The following PHF12 variants were observed in gnomAD, a reference collection of about 807,000 sequenced individuals.
PHF12 encodes PHD factor 1.
In PHF12, 6 loss-of-function variants were observed where a neutral mutation model predicts 99.8. The observed-to-expected ratio is 0.06, with a 90% CI of 0.03 to 0.12. PHF12 has a LOEUF of 0.12. PHF12 is among the 10% of genes least tolerant of loss of function. The probability of loss-of-function intolerance (pLI) is 1.00; values close to 1 mark genes in which losing one functional copy is unlikely to be tolerated. For synonymous variants in PHF12, 480 were observed against 514.9 expected, an observed-to-expected ratio of 0.93 and a Z score of 0.92; for missense variants, 954 against 1,300.1, an observed-to-expected ratio of 0.73 and a Z score of 4.09.
rs934210157 is a variant in PHF12 at position 28,951,447 on chromosome 17, C to T, written c.-487G>A. The T allele has an allele frequency of 3.1e-5, 31 of 986,330 alleles. No individual in the cohort carries two copies. The highest frequency in any genetic ancestry group is 3.5e-5 in the Non-Finnish European group (29 of 830,592). 61.1% of individuals were successfully genotyped at this position (986,330 alleles called of 1,614,324 possible). ...GCCGCCGTCTGCGTCCCGGCTGCCG[C>T]GCACTTGGCGCAAACTTACCGCGAG... On this transcript the variant is annotated 5_prime_UTR_variant, in exon 1 of 15. Transcript: ENST00000332830.
intron 2 of PHF12, among the ~76,000 whole-genome samples, chr17:28,942,058 T>C (rs2040627310): frequency 1.3e-5 from 2 of 152,334 alleles, no homozygotes; most frequent in African/African-American, 2.4e-5. Flanking sequence ...AATACAGCTT[T>C]AGACTTCTTT....
chr17:28,928,997 G>A (rs1430621836), intron 2 of PHF12, among the ~76,000 whole-genome samples: 2 of 151,806 alleles, frequency 1.3e-5, no homozygotes, highest in East Asian at 2.0e-4. Flanking sequence ...TCAGGAGGCC[G>A]AGGCAGGAGA....
chr17:28,950,490 G>A lies in PHF12; in HGVS notation c.67-244C>T, dbSNP rs2040790798. 1 of 573,422 alleles carries A rather than the reference G, an allele frequency of 1.7e-6. No individual in the cohort carries two copies. The highest frequency in any genetic ancestry group is 3.1e-6 in the Non-Finnish European group (1 of 324,224). The allele number at this position is 573,422 out of a possible 1,614,324, so 35.5% of individuals were successfully genotyped here. On this transcript the variant is annotated intron_variant, in intron 1 of 14. Transcript: ENST00000332830. The surrounding 1 kb of genome is among the most constrained non-coding windows in gnomAD (Gnocchi z 5.7). ...GGGAGGATCAAGGGTAGGGGGATGG[G>A]AAGAGGGTGCGCGGTTCCCTTCTTG...
chr17:28,922,037 T>C (rs1427306919), intron 4 of PHF12, among the ~76,000 whole-genome samples: 3 of 152,202 alleles, frequency 2.0e-5, no homozygotes, highest in East Asian at 1.9e-4. Context: ...ACCTGTTCTA[T>C]GGCAGAAACA....
rs1356413538 is a variant in PHF12, at chr17:28,949,015, G to A, written c.248+1050C>T. On this transcript the variant is annotated intron_variant, in intron 2 of 14. Transcript: ENST00000332830. The surrounding 1 kb of genome is among the most constrained non-coding windows in gnomAD (Gnocchi z 4.6). ...CTTCTTTGCCGGATTGTCCTGGGCT[G>A]AGCCGCTGAGGAGGATCACGCAGCG... 6.6e-6 allele frequency among the ~76,000 whole-genome samples: 1 copy of A among 152,266 alleles called. No homozygotes were observed. The highest frequency in any genetic ancestry group is 1.5e-5 in the Non-Finnish European group (1 of 68,012).
At chr17:28,909,105 G>A in intron 11 of PHF12, 1 of 539,898 alleles carries the variant, frequency 1.9e-6, no homozygotes, top group Admixed American at 3.1e-5. Context: ...TTTGAAGATG[G>A]TCAGAGAAGT....
intron 11 of PHF12, 138 bp from the exon 12 acceptor site, chr17:28,909,019 C>A: frequency 1.3e-6 from 1 of 752,330 alleles, no homozygotes; most frequent in Non-Finnish European, 2.2e-6. Flanking sequence ...AACTCACATC[C>A]AACACTGAGC....
chr17:28,946,133 G>GA (rs1440924001), intron 2 of PHF12, among the ~76,000 whole-genome samples: 2 of 152,090 alleles, frequency 1.3e-5, no homozygotes, highest in Non-Finnish European at 2.9e-5. Context: ...CTCCGTCTCA[G>GA]AAAAACAAAA....
At chr17:28,937,345 C>T (rs1358488195) in intron 2 of PHF12, among the ~76,000 whole-genome samples, 1 of 152,124 alleles carries the variant, frequency 6.6e-6, no homozygotes, top group Non-Finnish European at 1.5e-5. Flanking sequence ...GGAGAAAATT[C>T]ATAGGGTCCC....
chr17:28,938,820 C>T (rs1015616603), intron 2 of PHF12, among the ~76,000 whole-genome samples: 6 of 152,170 alleles, frequency 3.9e-5, no homozygotes, highest in Admixed American at 2.6e-4. Flanking sequence ...CTGACTTGGG[C>T]TTCCAAAGCC....
At chr17:28,908,714 G>A in intron 12 of PHF12, 69 bp downstream of exon 12, 2 of 1,491,704 alleles carry the variant, frequency 1.3e-6, no homozygotes, top group South Asian at 2.3e-5. Flanking sequence ...TCTAACTTCT[G>A]TGGGTAAGGG....
At position 28,911,146 on chromosome 17, in the gene PHF12, G is replaced by A. The variant is rs2039952984; in HGVS notation, c.2181C>T (p.Thr727=). 1 of 1,614,030 alleles carries A rather than the reference G, an allele frequency of 6.2e-7. No individual in the cohort carries two copies. Among genetic ancestry groups the A allele is most frequent in the Admixed American group, 1.7e-5 (1 of 59,990 alleles). ...PANSTAMVDL[T]NSLRAFMDVN... Reference sequence around the variant, plus strand: ...CATCCATAAATGCTCGAAGTGAGTTGGTGAGGTCCACCATGGCAGTAGAGT... The same window carrying A: ...CATCCATAAATGCTCGAAGTGAGTTAGTGAGGTCCACCATGGCAGTAGAGT... The change falls in exon 10 of 15, where the codon ACC becomes ACT. Residue 727 remains threonine (T), a synonymous_variant. Coordinates refer to ENST00000332830, the MANE Select transcript of PHF12 (RefSeq NM_001033561.2).
intron 6 of PHF12, among the ~76,000 whole-genome samples, chr17:28,917,710 C>T (rs2040087718): frequency 6.6e-6 from 1 of 152,184 alleles, no homozygotes; most frequent in Non-Finnish European, 1.5e-5. Context: ...AGAAATTAGC[C>T]AAGACGTGCC....
intron 4 of PHF12, 112 bp from the exon 5 acceptor site, chr17:28,921,920 A>G: frequency 7.0e-7 from 1 of 1,419,632 alleles, no homozygotes; most frequent in Non-Finnish European, 9.5e-7. Context: ...GTCATGGCCT[A>G]AGCATGAATT....
At position 28,907,064 on chromosome 17, in the gene PHF12, CAT is replaced by C. The variant is rs2039883566; in HGVS notation, c.2542-72_2542-71del. On this transcript the variant is annotated intron_variant, in intron 13 of 14. Coordinates refer to ENST00000332830, the MANE Select transcript of PHF12 (RefSeq NM_001033561.2). ...GGCCTGGGGCTAAGGGGAGAGAGGACATATGGAGAAGGCCGTGCTACTCTACC... is the reference window on the plus strand; with the variant it reads ...GGCCTGGGGCTAAGGGGAGAGAGGACATGGAGAAGGCCGTGCTACTCTACC... The C allele has an allele frequency of 3.0e-5, 45 of 1,504,980 alleles. No individual in the cohort carries two copies. In the South Asian group the frequency reaches 5.0e-4, roughly 17 times the overall value. The allele number at this position is 1,504,980 out of a possible 1,614,324, so 93.2% of individuals were successfully genotyped here.
At chr17:28,938,374 C>T (rs1226004860) in intron 2 of PHF12, among the ~76,000 whole-genome samples, 1 of 152,156 alleles carries the variant, frequency 6.6e-6, no homozygotes, top group African/African-American at 2.4e-5. Flanking sequence ...GGATTACAGG[C>T]AGGCACCACC....
intron 7 of PHF12, among the ~76,000 whole-genome samples, chr17:28,915,892 G>A (rs1216674047): frequency 6.6e-6 from 1 of 152,184 alleles, no homozygotes; most frequent in Non-Finnish European, 1.5e-5. Context: ...TTAAAAGGTG[G>A]GAGGGGCACC....
At position 28,949,648 on chromosome 17, in the gene PHF12, C is replaced by T; in HGVS notation, c.248+417G>A. 1 of 164,928 alleles carries T rather than the reference C, an allele frequency of 6.1e-6. No homozygotes were observed. 10.2% of individuals were successfully genotyped at this position (164,928 alleles called of 1,614,324 possible). On this transcript the variant is annotated intron_variant, in intron 2 of 14. Transcript: ENST00000332830. The surrounding 1 kb of genome is among the most constrained non-coding windows in gnomAD (Gnocchi z 4.6). ...TCTGGACCAGGGCAACTCAGGTGGCCGAGGGCTCCACGCACCCACCCCGAG... is the reference window on the plus strand; with the variant it reads ...TCTGGACCAGGGCAACTCAGGTGGCTGAGGGCTCCACGCACCCACCCCGAG...
In PHF12 at chr17:28,905,866, T is replaced by G; in HGVS notation, c.*317A>C. 3.9e-6 allele frequency: 1 copy of G among 256,034 alleles called. No individual in the cohort carries two copies. 15.9% of individuals were successfully genotyped at this position (256,034 alleles called of 1,614,324 possible). ...CGAGGGGGAGGGAGCAGGAGGTGGG[T>G]GGGGAAGGGTTTTGTGTTGGAGGAA... On this transcript the variant is annotated 3_prime_UTR_variant, in exon 15 of 15. Transcript: ENST00000332830.
Sources: allele counts gnomAD v4.1 joint callset (sites outside exome capture counted in the v4.1 genomes callset), GRCh38; gene constraint gnomAD v4.1.1; non-coding constraint Gnocchi (gnomAD v3.1); transcripts MANE v1.5; gene names NCBI Gene and HGNC (gene_info 2026-07-23, HGNC 2026-07-21).